The following GABRB1 variants were observed in gnomAD, a reference collection of about 807,000 sequenced individuals.
GABRB1 encodes gamma-aminobutyric acid receptor subunit beta-1.
GABRB1 carries 17 observed loss-of-function variants against 51.6 expected under a neutral mutation model. That is an observed-to-expected ratio of 0.33 (90% CI 0.23 to 0.49). The LOEUF (loss-of-function observed/expected upper bound fraction) is 0.49. Among genes scored for constraint, GABRB1 ranks in the 20% least tolerant of loss-of-function variants. The probability of loss-of-function intolerance (pLI) is 0.99; values close to 1 mark genes in which losing one functional copy is unlikely to be tolerated. For synonymous variants in GABRB1, 247 were observed against 218.9 expected, an observed-to-expected ratio of 1.13 and a Z score of -1.14; for missense variants, 410 against 600.6, an observed-to-expected ratio of 0.68 and a Z score of 3.32.
chr4:47,227,022 A>T (rs964818717), intron 4 of GABRB1, among the ~76,000 whole-genome samples: 23 of 152,320 alleles, frequency 1.5e-4, no homozygotes, highest in Non-Finnish European at 2.5e-4. Context: ...TGAAATAAAT[A>T]TGAGAGAAAG....
At chr4:47,003,710 G>A (rs957101383) in intron 1 of GABRB1, among the ~76,000 whole-genome samples, 2 of 152,282 alleles carry the variant, frequency 1.3e-5, no homozygotes, top group South Asian at 2.1e-4. Flanking sequence ...ATTTTCCTAA[G>A]TTTCTGTAAT....
At chr4:47,029,175 T>C, upstream of GABRB1, among the ~76,000 whole-genome samples, 5 of 152,052 alleles carry the variant, frequency 3.3e-5, 1 homozygote, top group Admixed American at 3.3e-4. Flanking sequence ...CATGAGTTTA[T>C]CACTAGGGTA....
chr4:47,246,806 T>A (rs1464996705), intron 4 of GABRB1, among the ~76,000 whole-genome samples: 1 of 152,138 alleles, frequency 6.6e-6, no homozygotes, highest in Non-Finnish European at 1.5e-5. Context: ...TTCATATGTT[T>A]GTTGGCCATT....
At chr4:47,349,969 G>T (rs1726247192) in intron 5 of GABRB1, among the ~76,000 whole-genome samples, 1 of 151,864 alleles carries the variant, frequency 6.6e-6, no homozygotes, top group South Asian at 2.1e-4. Flanking sequence ...TTTACAGATT[G>T]TAGAAACATT....
At chr4:47,085,814 C>T (rs1728031446) in intron 3 of GABRB1, among the ~76,000 whole-genome samples, 1 of 152,178 alleles carries the variant, frequency 6.6e-6, no homozygotes, top group South Asian at 2.1e-4. Flanking sequence ...ACAATTTGTG[C>T]CGGCTGTGCC....
At chr4:47,259,402 G>T (rs1722336901) in intron 4 of GABRB1, among the ~76,000 whole-genome samples, 1 of 152,114 alleles carries the variant, frequency 6.6e-6, no homozygotes, top group Admixed American at 6.6e-5. Flanking sequence ...AGTGTTTTCT[G>T]TAGTATCTAT....
intron 5 of GABRB1, among the ~76,000 whole-genome samples, chr4:47,386,574 T>C (rs1328488049): frequency 6.6e-6 from 1 of 152,190 alleles, no homozygotes; most frequent in South Asian, 2.1e-4. Context: ...AAAACATATG[T>C]ACCTACATAA....
chr4:47,314,519 AG>A (rs1241437323), intron 4 of GABRB1, among the ~76,000 whole-genome samples: 1 of 152,028 alleles, frequency 6.6e-6, no homozygotes, highest in African/African-American at 2.4e-5. Context: ...GACTAAATAA[AG>A]TGAGATGTGC....
At chr4:47,309,486 G>T (rs572615747) in intron 4 of GABRB1, among the ~76,000 whole-genome samples, 1 of 152,200 alleles carries the variant, frequency 6.6e-6, no homozygotes, top group Non-Finnish European at 1.5e-5. Context: ...AGGAGGGAAA[G>T]AAAGCAGAAA....
intron 5 of GABRB1, among the ~76,000 whole-genome samples, chr4:47,353,363 G>C (rs907662887): frequency 6.6e-6 from 1 of 152,208 alleles, no homozygotes; most frequent in Non-Finnish European, 1.5e-5. Context: ...CTCATGATAA[G>C]TGACTCCCTT....
At chr4:47,161,607 T>C (rs990813211) in intron 4 of GABRB1, 138 bp downstream of exon 4, 4 of 667,848 alleles carry the variant, frequency 6.0e-6, no homozygotes, top group Non-Finnish European at 1.0e-5. Context: ...TATGAAGGTC[T>C]ATTACAAACC....
intron 4 of GABRB1, among the ~76,000 whole-genome samples, chr4:47,274,683 A>G (rs929262079): frequency 2.0e-5 from 3 of 152,152 alleles, no homozygotes; most frequent in Admixed American, 2.0e-4. Context: ...AATGTCAGGC[A>G]TACAGGCAAG....
intron 4 of GABRB1, among the ~76,000 whole-genome samples, chr4:47,284,609 A>T (rs186783346): frequency 2.1e-4 from 32 of 152,288 alleles, no homozygotes; most frequent in African/African-American, 7.5e-4. Flanking sequence ...TTTTTCAAGT[A>T]GTGTTATATC....
chr4:47,000,058 T>C (rs189625382), intron 1 of GABRB1, among the ~76,000 whole-genome samples: 15 of 152,286 alleles, frequency 9.8e-5, no homozygotes, highest in Admixed American at 9.8e-4. Flanking sequence ...GTTAGTCAAA[T>C]TGCAATAAAA....
chr4:47,360,788 A>G (rs1402565162), intron 5 of GABRB1, among the ~76,000 whole-genome samples: 1 of 152,110 alleles, frequency 6.6e-6, no homozygotes, highest in East Asian at 1.9e-4. Context: ...CATTGGGTCA[A>G]GAATCCACAT....
At position 47,394,284 on chromosome 4, in the gene GABRB1, C is replaced by T. The variant is rs114223638; in HGVS notation, c.545-9034C>T. The stretch of plus-strand genomic sequence containing the variant: ...AGGCAAATCCAGACTTCAATTGGGA[C>T]AAGAGCAAAGGTTCCTATTCAGGCT... On this transcript the variant is annotated intron_variant, in intron 5 of 8. Transcript: ENST00000295454. 9.6e-3 allele frequency among the ~76,000 whole-genome samples: 1,460 copies of T among 152,314 alleles called. 21 individuals are homozygous for T. Among genetic ancestry groups the T allele is most frequent in the African/African-American group, 0.033 (1,391 of 41,568 alleles).
chr4:47,004,162 G>A (rs1041459586), intron 1 of GABRB1, among the ~76,000 whole-genome samples: 2 of 151,946 alleles, frequency 1.3e-5, no homozygotes, highest in Admixed American at 1.3e-4. Flanking sequence ...CTAACTTTTT[G>A]TGTTTTAGTA....
intron 3 of GABRB1, among the ~76,000 whole-genome samples, chr4:47,115,619 A>G (rs781111698): frequency 6.6e-6 from 1 of 152,112 alleles, no homozygotes; most frequent in Non-Finnish European, 1.5e-5. Flanking sequence ...TATCCTTAGT[A>G]AAGAGTCAAC....
chr4:47,046,433 G>A (rs927280764), intron 3 of GABRB1, among the ~76,000 whole-genome samples: 22 of 152,102 alleles, frequency 1.4e-4, no homozygotes, highest in African/African-American at 2.7e-4. Context: ...ACTGTGAAAG[G>A]TTATTAAAAA....
Sources: gnomAD v4.1 joint callset for allele counts (sites outside exome capture counted in the v4.1 genomes callset) on GRCh38, gnomAD v4.1.1 for gene constraint, MANE v1.5 for transcripts, NCBI Gene and HGNC (gene_info 2026-07-23, HGNC 2026-07-21) for gene names.